Variants in CTNNA3 observed in about 807,000 individuals in gnomAD.
CTNNA3 encodes the protein catenin alpha-3.
A neutral mutation model predicts 95.7 loss-of-function variants in CTNNA3; 76 were observed. That is an observed-to-expected ratio of 0.79 (90% CI 0.66 to 0.96). The LOEUF is 0.96. CTNNA3 is among the 40% of genes least tolerant of loss of function. The probability of loss-of-function intolerance (pLI) is 0.00; values close to 1 mark genes in which losing one functional copy is unlikely to be tolerated. For missense variants in CTNNA3, 1,191 were observed against 1,089.8 expected, an observed-to-expected ratio of 1.09 and a Z score of -1.31; for synonymous variants, 431 against 374.4, an observed-to-expected ratio of 1.15 and a Z score of -1.74.
intron 10 of CTNNA3, among the ~76,000 whole-genome samples, chr10:66,566,780 G>A (rs986096183): frequency 6.6e-6 from 1 of 151,744 alleles, no homozygotes; most frequent in Non-Finnish European, 1.5e-5. Context: ...TCTTTCCCAA[G>A]CTGAGATTTG....
rs545496159 is a variant in CTNNA3, at chr10:65,979,895, G to A, written c.2265+8797C>T. ...CTTTCTGTGCATTTATTTTTATAAA[G>A]TAGGAGTTCATTAATCTGGAGAACT... On this transcript the variant is annotated intron_variant, in intron 16 of 17. Coordinates refer to ENST00000433211, the MANE Select transcript of CTNNA3 (RefSeq NM_013266.4). Among the ~76,000 whole-genome samples the A allele has an allele frequency of 1.2e-4, 19 of 152,110 alleles. No homozygotes were observed. In the East Asian group the frequency reaches 3.7e-3, roughly 29 times the overall value.
In CTNNA3 at chr10:67,194,261, C is replaced by T. The variant is rs144256351; in HGVS notation, c.844-13741G>A. 1.4e-4 allele frequency among the ~76,000 whole-genome samples: 22 copies of T among 152,172 alleles called. No homozygotes were observed. The East Asian group carries it at 4.3e-3, about 29-fold the overall frequency. ...AAACATGTCCACACAAAAACCTTCA[C>T]ATGGATGTTTATAGCAGCTTTATTC... On this transcript the variant is annotated intron_variant, in intron 6 of 17. Coordinates refer to ENST00000433211, the MANE Select transcript of CTNNA3 (RefSeq NM_013266.4).
At chr10:66,757,122 A>G (rs1839391726) in intron 9 of CTNNA3, among the ~76,000 whole-genome samples, 1 of 152,148 alleles carries the variant, frequency 6.6e-6, no homozygotes, top group Admixed American at 6.6e-5. Flanking sequence ...AGTAGAGGCC[A>G]ACCCCTTTAG....
chr10:66,209,935 G>T (rs994453250), intron 13 of CTNNA3, among the ~76,000 whole-genome samples: 1 of 152,076 alleles, frequency 6.6e-6, no homozygotes, highest in African/African-American at 2.4e-5. Flanking sequence ...CAGAGATAGA[G>T]GCAGAGACAG....
chr10:66,407,406 A>G (rs2093066259), intron 11 of CTNNA3, among the ~76,000 whole-genome samples: 2 of 152,048 alleles, frequency 1.3e-5, no homozygotes, highest in Admixed American at 1.3e-4. Flanking sequence ...ACTATAGGAG[A>G]AATATCTAGC....
intron 12 of CTNNA3, among the ~76,000 whole-genome samples, chr10:66,371,089 T>C (rs1438516137): frequency 1.3e-5 from 2 of 152,170 alleles, no homozygotes; most frequent in East Asian, 3.9e-4. Context: ...TTAGTAATCT[T>C]AAAAATTAGT....
intron 11 of CTNNA3, among the ~76,000 whole-genome samples, chr10:66,516,706 C>T (rs1425973988): frequency 6.6e-6 from 1 of 152,122 alleles, no homozygotes; most frequent in Non-Finnish European, 1.5e-5. Context: ...TTTCTTTTGC[C>T]GGTAATTGGC....
At chr10:66,877,033 G>A (rs911295651) in intron 7 of CTNNA3, among the ~76,000 whole-genome samples, 6 of 152,030 alleles carry the variant, frequency 3.9e-5, no homozygotes, top group African/African-American at 9.7e-5. Context: ...CTCTGAAGAC[G>A]CTCAGGACAG....
intron 5 of CTNNA3, among the ~76,000 whole-genome samples, chr10:67,498,237 T>C (rs778247229): frequency 1.3e-5 from 2 of 152,192 alleles, no homozygotes; most frequent in Non-Finnish European, 2.9e-5. Flanking sequence ...CAAGATCAGA[T>C]GGTTGTAGAT....
intron 15 of CTNNA3, among the ~76,000 whole-genome samples, chr10:66,051,266 G>A (rs1418052925): frequency 1.4e-4 from 21 of 152,242 alleles, no homozygotes; most frequent in Non-Finnish European, 2.2e-4. Context: ...TGTTTTTTAC[G>A]TGAAGACCAT....
intron 4 of CTNNA3, among the ~76,000 whole-genome samples, chr10:67,531,515 G>T (rs1018117376): frequency 6.6e-6 from 1 of 152,198 alleles, no homozygotes; most frequent in African/African-American, 2.4e-5. Context: ...TGTCCCATTT[G>T]TAACAGCTGT....
At chr10:66,719,782 C>G (rs1848568031) in intron 9 of CTNNA3, among the ~76,000 whole-genome samples, 1 of 152,066 alleles carries the variant, frequency 6.6e-6, no homozygotes, top group African/African-American at 2.4e-5. Context: ...CTTGAGTTGG[C>G]AGAGAGGGAC....
intron 15 of CTNNA3, among the ~76,000 whole-genome samples, chr10:66,008,134 C>A (rs2078934443): frequency 6.6e-6 from 1 of 152,076 alleles, no homozygotes; most frequent in African/African-American, 2.4e-5. Context: ...TCTAGTGTTT[C>A]TTTTTTGAAG....
At chr10:66,119,180 G>C (rs1159520927) in intron 13 of CTNNA3, among the ~76,000 whole-genome samples, 6 of 152,168 alleles carry the variant, frequency 3.9e-5, no homozygotes, top group Admixed American at 3.9e-4. Flanking sequence ...AGTATGCTAG[G>C]TATGGTGGGA....
chr10:66,607,024 G>A (rs1020805382), intron 10 of CTNNA3, among the ~76,000 whole-genome samples: 1 of 152,024 alleles, frequency 6.6e-6, no homozygotes, highest in South Asian at 2.1e-4. Context: ...AAGTTAGATA[G>A]ACATCTAGCT....
In CTNNA3 at chr10:67,756,897, A is replaced by AT. The variant is rs1554881165; in HGVS notation, c.-2+6536_-2+6537insA. Reference sequence around the variant, plus strand: ...GTACACAGTTACAGCTATGTAAAAAAATATATATAAGTATAGGGGAAAGGA... The same window carrying AT: ...GTACACAGTTACAGCTATGTAAAAAATATATATATAAGTATAGGGGAAAGGA... On this transcript the variant is annotated intron_variant, in intron 1 of 17. Transcript: ENST00000684154. Among the ~76,000 whole-genome samples, 28 of 152,348 alleles carry AT rather than the reference A, an allele frequency of 1.8e-4. 1 individual carries two copies. Among genetic ancestry groups the AT allele is most frequent in the African/African-American group, 5.1e-4 (21 of 41,580 alleles).
chr10:67,126,935 G>GC (rs1437117262), intron 7 of CTNNA3, among the ~76,000 whole-genome samples: 1 of 151,986 alleles, frequency 6.6e-6, no homozygotes, highest in Non-Finnish European at 1.5e-5. Flanking sequence ...TTTTGTTTTT[G>GC]TTTTTTTCTT....
At chr10:67,232,479 C>A (rs1171453739) in intron 5 of CTNNA3, among the ~76,000 whole-genome samples, 1 of 151,978 alleles carries the variant, frequency 6.6e-6, no homozygotes, top group Non-Finnish European at 1.5e-5. Context: ...TTTGTCACCA[C>A]CAGACCTGCC....
rs1024040030 is a variant in CTNNA3, at chr10:67,566,344, A to G, written c.293-26675T>C. Among the ~76,000 whole-genome samples the G allele has an allele frequency of 2.2e-3, 329 of 150,918 alleles. 3 individuals carry two copies. The highest frequency in any genetic ancestry group is 0.01 in the South Asian group (48 of 4,674). On this transcript the variant is annotated intron_variant, in intron 3 of 17. Transcript: ENST00000433211. ...TTACAAGAAAAAAACAAACAACCCC[A>G]TCAAAAAGTGGGCAAAGGACATGAA...
Sources: allele counts gnomAD v4.1 joint callset (sites outside exome capture counted in the v4.1 genomes callset), GRCh38; gene constraint gnomAD v4.1.1; transcripts MANE v1.5; gene names NCBI Gene and HGNC (gene_info 2026-07-23, HGNC 2026-07-21).